The following GTF3C3 variants were observed in gnomAD, a reference collection of about 807,000 sequenced individuals.
GTF3C3 encodes general transcription factor 3C polypeptide 3.
In GTF3C3, 75 loss-of-function variants were observed where a neutral mutation model predicts 105.2. The observed-to-expected ratio is 0.71, with a 90% confidence interval of 0.59 to 0.86. GTF3C3 has a LOEUF of 0.86. Among genes scored for constraint, GTF3C3 ranks in the 40% least tolerant of loss-of-function variants. GTF3C3 has a pLI of 0.00. For synonymous variants in GTF3C3, 335 were observed against 370.4 expected (o/e 0.90, Z 1.10); for missense variants, 856 against 1,076.5 (o/e 0.80, Z 2.87).
chr2:196,791,648 A>C (rs1699551092), intron 3 of GTF3C3, among the ~76,000 whole-genome samples, 188 bp from the exon 4 acceptor site: 1 of 152,190 alleles, frequency 6.6e-6, no homozygotes, highest in African/African-American at 2.4e-5. Flanking sequence ...TATCGAGTCT[A>C]AAATTGGCCA....
At chr2:196,797,235 A>C (rs1030443141) in intron 2 of GTF3C3, among the ~76,000 whole-genome samples, 1 of 152,176 alleles carries the variant, frequency 6.6e-6, no homozygotes, top group Non-Finnish European at 1.5e-5. Context: ...TTTGCTTACT[A>C]ATTAATTAGG....
chr2:196,791,304 T>A (rs1699544427), intron 4 of GTF3C3, 33 bp downstream of exon 4: 3 of 1,610,364 alleles, frequency 1.9e-6, no homozygotes, highest in Non-Finnish European at 2.5e-6. Flanking sequence ...ACTATTAAAC[T>A]GCTATTATTA....
intron 17 of GTF3C3, 64 bp from the exon 18 acceptor site, chr2:196,764,749 C>CAAATTAATAGTTTTATAAGTGTAA (rs1390094236): frequency 7.1e-7 from 1 of 1,408,458 alleles, no homozygotes; most frequent in Admixed American, 1.9e-5. Context: ...AATTTTATGG[C>CAAATTAATAGTTTTATAAGTGTAA]AAATTAATAG....
At chr2:196,768,637 CTTTT>C (rs959101283) in intron 16 of GTF3C3, among the ~76,000 whole-genome samples, 3 of 151,986 alleles carry the variant, frequency 2.0e-5, no homozygotes, top group African/African-American at 7.2e-5. Flanking sequence ...TTCTCAGAAA[CTTTT>C]TTTATGGAAA....
intron 13 of GTF3C3, among the ~76,000 whole-genome samples, chr2:196,773,959 G>C (rs1699221042): frequency 6.6e-6 from 1 of 152,178 alleles, no homozygotes; most frequent in Admixed American, 6.5e-5. Context: ...GCTGGTACCG[G>C]GGTTGGGGAC....
In GTF3C3 at chr2:196,766,638, T is replaced by C; in HGVS notation, c.2465A>G (p.His822Arg). The C allele has an allele frequency of 1.2e-6, 2 of 1,613,680 alleles. No individual in the cohort carries two copies. The highest frequency in any genetic ancestry group is 1.7e-6 in the Non-Finnish European group (2 of 1,179,676). Residue 822 changes from histidine (H) to arginine (R), a missense_variant, in exon 17 of 18, where the codon CAT becomes CGT. Transcript: ENST00000263956. ...ESFYNLGRGLHQLGLIHLAIH... is the reference protein window; with the variant it reads ...ESFYNLGRGLRQLGLIHLAIH... Reference sequence around the variant, plus strand: ...TGCAAGATGAATCAGCCCCAACTGATGAAGGCCACGGCCCAAATTGTAGAA... The same window carrying C: ...TGCAAGATGAATCAGCCCCAACTGACGAAGGCCACGGCCCAAATTGTAGAA...
rs1184242966 is a variant in GTF3C3 at position 196,764,626 on chromosome 2, GATGAGAGACAA to G, written c.2587_2597del (p.Leu865GlufsTer24). 6.2e-7 allele frequency: 1 copy of G among 1,612,394 alleles called. No homozygotes were observed. Among genetic ancestry groups the G allele is most frequent in the African/African-American group, 1.3e-5 (1 of 74,890 alleles). On this transcript the variant is annotated frameshift_variant, in exon 18 of 18. Transcript: ENST00000263956. LOFTEE classifies it high-confidence loss of function. Reference sequence around the variant, plus strand: ...TTCCGGTATTCCCACTGCTCTGATAGATGAGAGACAAGTTGTAGGCAATATCTCTTCGTAAG... The same window carrying G: ...TTCCGGTATTCCCACTGCTCTGATAGGTTGTAGGCAATATCTCTTCGTAAG...
Position 196,764,464 on chromosome 2 carries a change from TG to T in GTF3C3, c.*98del. ...ACTGTTTGTTAGGTAATTCTGAAATTGTCATTTCTATTTTGGAGTTACAAAT... is the reference window on the plus strand; with the variant it reads ...ACTGTTTGTTAGGTAATTCTGAAATTTCATTTCTATTTTGGAGTTACAAAT... On this transcript the variant is annotated 3_prime_UTR_variant, in exon 18 of 18. Transcript: ENST00000263956. The T allele has an allele frequency of 9.4e-7, 1 of 1,059,612 alleles. No individual in the cohort carries two copies. The highest frequency in any genetic ancestry group is 1.3e-6 in the Non-Finnish European group (1 of 753,854). 65.6% of individuals were successfully genotyped at this position (1,059,612 alleles called of 1,614,324 possible). A position where few individuals can be genotyped will look rare whatever the true frequency, so the allele number is the denominator to read the frequency against.
Position 196,776,228 on chromosome 2 carries a change from TA to T in GTF3C3, c.1594-118del. The T allele has an allele frequency of 1.4e-6, 1 of 699,162 alleles. No individual in the cohort carries two copies. Among genetic ancestry groups the T allele is most frequent in the Non-Finnish European group, 2.4e-6 (1 of 413,540 alleles). 43.3% of individuals were successfully genotyped at this position (699,162 alleles called of 1,614,324 possible). On this transcript the variant is annotated intron_variant, in intron 11 of 17. Transcript: ENST00000263956. This position sits in a 1 kb window ranked among gnomAD's most constrained non-coding sequence, Gnocchi z 4.5. ...CATATTGCTTTATGGTCTTTCACAA[TA>T]ATTAAGAGCCAATATTTTAAAACTA...
At chr2:196,780,341 T>C (rs1423415631) in intron 9 of GTF3C3, 4 of 1,177,006 alleles carry the variant, frequency 3.4e-6, no homozygotes, top group African/African-American at 1.5e-5. Flanking sequence ...GATCTTTAGA[T>C]TGTTATTTTA....
intron 15 of GTF3C3, among the ~76,000 whole-genome samples, chr2:196,771,451 C>A (rs1332462624): frequency 2.6e-5 from 4 of 152,154 alleles, no homozygotes; most frequent in Admixed American, 2.6e-4. Context: ...ACAACCAAAG[C>A]TTAGTAAGAA....
At chr2:196,779,708 G>C (rs890574609) in intron 9 of GTF3C3, among the ~76,000 whole-genome samples, 6 of 152,004 alleles carry the variant, frequency 3.9e-5, no homozygotes, top group African/African-American at 1.4e-4. Flanking sequence ...ACCTCCTTCA[G>C]GTCATTATTC....
intron 9 of GTF3C3, chr2:196,780,216 T>C: frequency 1.7e-6 from 1 of 582,194 alleles, no homozygotes; most frequent in Non-Finnish European, 2.0e-6. Context: ...TGCTAAGTAC[T>C]TTTTTTTTTT....
chr2:196,792,864 G>A, intron 3 of GTF3C3, 92 bp downstream of exon 3: 1 of 780,788 alleles, frequency 1.3e-6, no homozygotes, highest in Non-Finnish European at 2.2e-6. Flanking sequence ...CTTTCGTACA[G>A]TTTGAATTGT....
chr2:196,793,802 A>AT (rs1699593822), intron 2 of GTF3C3, among the ~76,000 whole-genome samples: 5 of 152,222 alleles, frequency 3.3e-5, no homozygotes, highest in Admixed American at 2.0e-4. Context: ...GACATAGTTC[A>AT]TTTGTATCTC....
At position 196,771,974 on chromosome 2, in the gene GTF3C3, T is replaced by G. The variant is rs766355883; in HGVS notation, c.2070-36A>C. 44 of 1,412,514 alleles carry G rather than the reference T, an allele frequency of 3.1e-5. No homozygotes were observed. In the South Asian group the frequency reaches 4.7e-4, roughly 15 times the overall value. 87.5% of individuals were successfully genotyped at this position (1,412,514 alleles called of 1,614,324 possible). A position where few individuals can be genotyped will look rare whatever the true frequency, so the allele number is the denominator to read the frequency against. On this transcript the variant is annotated intron_variant, in intron 14 of 17. Coordinates refer to ENST00000263956, the MANE Select transcript of GTF3C3 (RefSeq NM_012086.5). ...AGGAAGAGGGTGAGGGAGAAAATAA[T>G]GTAAAAATCTTCCTGATTTCTAAAA...
intron 8 of GTF3C3, among the ~76,000 whole-genome samples, chr2:196,781,231 TTAAA>T: frequency 6.7e-6 from 1 of 149,908 alleles, no homozygotes; most frequent in South Asian, 2.1e-4. Context: ...TATTCAAGAA[TTAAA>T]TAACTATCTG....
At chr2:196,793,749 TTAG>T (rs1699593213) in intron 2 of GTF3C3, among the ~76,000 whole-genome samples, 1 of 152,232 alleles carries the variant, frequency 6.6e-6, no homozygotes, top group Admixed American at 6.5e-5. Flanking sequence ...AATGCTATTA[TTAG>T]TATTAAAATA....
intron 8 of GTF3C3, 44 bp downstream of exon 8, chr2:196,784,812 CA>C: frequency 6.5e-7 from 1 of 1,544,990 alleles, no homozygotes; most frequent in South Asian, 1.3e-5. Context: ...ACCTTATGAC[CA>C]AGAGAGGATT....
Sources: allele counts gnomAD v4.1 joint callset (sites outside exome capture counted in the v4.1 genomes callset), GRCh38; gene constraint gnomAD v4.1.1; non-coding constraint Gnocchi (gnomAD v3.1); transcripts MANE v1.5; gene names NCBI Gene and HGNC (gene_info 2026-07-23, HGNC 2026-07-21).